The following RIMS2 variants were observed in gnomAD, a reference collection of about 807,000 sequenced individuals.
RIMS2 encodes regulating synaptic membrane exocytosis protein 2.
Under a neutral mutation model 174.4 loss-of-function variants are expected in RIMS2, and 59 were observed. That is an observed-to-expected ratio of 0.34 (90% CI 0.27 to 0.42). The LOEUF (loss-of-function observed/expected upper bound fraction) is 0.42. Ranked by LOEUF, RIMS2 falls within the 10% of genes least tolerant of loss-of-function variation. RIMS2 has a pLI of 1.00. For missense variants in RIMS2, 1,620 were observed against 1,666.3 expected (o/e 0.97, Z 0.48); for synonymous variants, 606 against 572.5 (o/e 1.06, Z -0.84).
chr8:103,735,630 T>C (rs1327059289), intron 2 of RIMS2, among the ~76,000 whole-genome samples: 2 of 152,202 alleles, frequency 1.3e-5, no homozygotes, highest in African/African-American at 4.8e-5. Context: ...CCATTGCTGA[T>C]GGTGTGTCTC....
chr8:104,170,513 C>T (rs1321482083), intron 19 of RIMS2, among the ~76,000 whole-genome samples: 1 of 151,948 alleles, frequency 6.6e-6, no homozygotes, highest in Non-Finnish European at 1.5e-5. Context: ...TGTGAAACAT[C>T]TTTTTCCACC....
At chr8:104,062,510 C>T (rs1452420159) in intron 19 of RIMS2, among the ~76,000 whole-genome samples, 1 of 152,174 alleles carries the variant, frequency 6.6e-6, no homozygotes, top group Non-Finnish European at 1.5e-5. Flanking sequence ...ACATTCTTAT[C>T]TCATGAGACA....
At chr8:103,797,080 G>A (rs773280471) in intron 3 of RIMS2, among the ~76,000 whole-genome samples, 6 of 152,192 alleles carry the variant, frequency 3.9e-5, no homozygotes, top group African/African-American at 1.4e-4. Context: ...GAAGTAAGAC[G>A]TGTGGATATC....
intron 19 of RIMS2, among the ~76,000 whole-genome samples, chr8:104,202,153 T>A (rs2099058121): frequency 6.6e-6 from 1 of 152,108 alleles, no homozygotes; most frequent in East Asian, 1.9e-4. Flanking sequence ...ACAAGTGTGG[T>A]TTTTAAGAGA....
chr8:104,164,839 G>A (rs2098787188), intron 19 of RIMS2, among the ~76,000 whole-genome samples: 1 of 152,058 alleles, frequency 6.6e-6, no homozygotes, highest in Non-Finnish European at 1.5e-5. Flanking sequence ...AGCAGGAAAT[G>A]TAACTAATGG....
chr8:104,123,808 A>C (rs1249833335), intron 19 of RIMS2, among the ~76,000 whole-genome samples: 1 of 152,116 alleles, frequency 6.6e-6, no homozygotes, highest in East Asian at 1.9e-4. Context: ...CTTGTAGGAA[A>C]ATAGGAGAAT....
At chr8:104,202,622 A>G (rs1335781586) in intron 19 of RIMS2, among the ~76,000 whole-genome samples, 2 of 152,216 alleles carry the variant, frequency 1.3e-5, no homozygotes, top group Admixed American at 1.3e-4. Flanking sequence ...TCAGATGGTC[A>G]CTTTCTTGCT....
exon 4 of RIMS2, chr8:103,885,422 G>C (rs1348156935): frequency 1.2e-6 from 2 of 1,611,818 alleles, no homozygotes; most frequent in Non-Finnish European, 1.7e-6. Flanking sequence ...AGATTATGCT[G>C]ATAGGCGATC....
chr8:104,040,760 G>A (rs2096594843), intron 19 of RIMS2, among the ~76,000 whole-genome samples: 1 of 151,574 alleles, frequency 6.6e-6, no homozygotes, highest in Non-Finnish European at 1.5e-5. Flanking sequence ...ATGATATTTT[G>A]CTGTATTGAA....
chr8:103,772,676 T>C (rs1370871106), intron 3 of RIMS2, among the ~76,000 whole-genome samples: 1 of 152,124 alleles, frequency 6.6e-6, no homozygotes, highest in Admixed American at 6.5e-5. Context: ...AGAACGTAGT[T>C]AGAGGCATAA....
chr8:103,639,155 C>T (rs2096165486), intron 1 of RIMS2, among the ~76,000 whole-genome samples: 1 of 151,730 alleles, frequency 6.6e-6, no homozygotes, highest in African/African-American at 2.4e-5. Flanking sequence ...TATTTTTTGT[C>T]TTTGGTATTA....
At position 103,659,374 on chromosome 8, in the gene RIMS2, C is replaced by G. The variant is rs937764144; in HGVS notation, c.177-37712C>G. Among the ~76,000 whole-genome samples the G allele has an allele frequency of 2.0e-5, 3 of 152,144 alleles. No individual in the cohort carries two copies. The East Asian group carries it at 5.8e-4, about 29-fold the overall frequency. On this transcript the variant is annotated intron_variant, in intron 1 of 23. Coordinates refer to ENST00000504942, the Ensembl canonical transcript of RIMS2. ...GGGAAGAACACCTGTGTACTACCTT[C>G]TCAAAGCCGAGGGCCCACCAGCCTA...
At chr8:103,804,726 A>G (rs1343761606) in intron 3 of RIMS2, among the ~76,000 whole-genome samples, 1 of 152,166 alleles carries the variant, frequency 6.6e-6, no homozygotes, top group Non-Finnish European at 1.5e-5. Flanking sequence ...TGCTGTAGCC[A>G]TTGAGAGATT....
In RIMS2 at chr8:103,660,003, C is replaced by G. The variant is rs557186404; in HGVS notation, c.177-37083C>G. ...TTCAGAACCGGGGCCCAGGCCGCACCTGAGATTTTCTACCAAATTCATTGG... is the reference window on the plus strand; with the variant it reads ...TTCAGAACCGGGGCCCAGGCCGCACGTGAGATTTTCTACCAAATTCATTGG... On this transcript the variant is annotated intron_variant, in intron 1 of 23. Coordinates refer to ENST00000504942, the Ensembl canonical transcript of RIMS2. 3.3e-5 allele frequency among the ~76,000 whole-genome samples: 5 copies of G among 152,316 alleles called. No individual in the cohort carries two copies. The South Asian group carries it at 1.0e-3, about 32-fold the overall frequency.
chr8:104,248,599 T>C (rs2099347601), intron 20 of RIMS2, 102 bp from the exon 27 acceptor site: 2 of 693,588 alleles, frequency 2.9e-6, no homozygotes, highest in Admixed American at 4.4e-5. Flanking sequence ...GACAAAATAA[T>C]AGGACTAGTC....
chr8:103,958,101 G>A (rs2088213126), intron 14 of RIMS2, among the ~76,000 whole-genome samples: 1 of 152,132 alleles, frequency 6.6e-6, no homozygotes, highest in Admixed American at 6.6e-5. Flanking sequence ...ACACATGCAT[G>A]TGAATGTTCT....
chr8:104,100,994 T>C (rs1375277807), intron 19 of RIMS2, among the ~76,000 whole-genome samples: 13 of 134,250 alleles, frequency 9.7e-5, no homozygotes, highest in African/African-American at 3.9e-4. Flanking sequence ...TTATATAGTA[T>C]ATGTTATATA....
intron 2 of RIMS2, among the ~76,000 whole-genome samples, chr8:103,698,525 A>T (rs1247146321): frequency 6.6e-6 from 1 of 151,960 alleles, no homozygotes; most frequent in Non-Finnish European, 1.5e-5. Flanking sequence ...TTTGTTTTTT[A>T]ATGTGGTGAA....
chr8:103,512,288 A>G (rs1005394810), intron 1 of RIMS2, among the ~76,000 whole-genome samples: 1 of 152,236 alleles, frequency 6.6e-6, no homozygotes, highest in Non-Finnish European at 1.5e-5. Context: ...GTGACAGTCC[A>G]GATTCACTAT....
Sources: allele counts gnomAD v4.1 joint callset (sites outside exome capture counted in the v4.1 genomes callset), GRCh38; gene constraint gnomAD v4.1.1; transcripts MANE v1.5; gene names NCBI Gene and HGNC (gene_info 2026-07-23, HGNC 2026-07-21).